The following DIAPH2 variants were observed in gnomAD, a reference collection of about 807,000 sequenced individuals.
DIAPH2 encodes diaphanous related formin 2, also known as protein diaphanous homolog 2.
DIAPH2 carries 35 observed loss-of-function variants against 92.7 expected under a neutral mutation model. That is an observed-to-expected ratio of 0.38 (90% CI 0.29 to 0.50). DIAPH2 has a LOEUF of 0.50. DIAPH2 is among the 20% of genes least tolerant of loss of function. The probability of loss-of-function intolerance (pLI) is 0.94; values close to 1 mark genes in which losing one functional copy is unlikely to be tolerated. For missense variants in DIAPH2, 701 were observed against 819.5 expected (o/e 0.86, Z 1.77); for synonymous variants, 301 against 280.4 (o/e 1.07, Z -0.73).
chrX:97,596,570 G>C (rs1431478781), intron 26 of DIAPH2, among the ~76,000 whole-genome samples: 2 of 111,741 alleles, frequency 1.8e-5, no homozygotes, highest in Non-Finnish European at 3.8e-5. Flanking sequence ...GGAGCTCTCA[G>C]ATCATATCAC....
intron 26 of DIAPH2, among the ~76,000 whole-genome samples, chrX:97,544,662 G>T (rs754167554): frequency 6.7e-4 from 75 of 111,762 alleles, no homozygotes; most frequent in Non-Finnish European, 1.1e-3. Flanking sequence ...TGTACCACAA[G>T]ATGTTACTTT....
At chrX:97,088,594 T>C (rs2066800566) in intron 19 of DIAPH2, among the ~76,000 whole-genome samples, 1 of 111,940 alleles carries the variant, frequency 8.9e-6, no homozygotes, top group Non-Finnish European at 1.9e-5. Context: ...TACAAGGCTA[T>C]ATTGAATGGG....
chrX:97,078,135 A>G (rs2066717541), intron 19 of DIAPH2, among the ~76,000 whole-genome samples: 1 of 111,963 alleles, frequency 8.9e-6, no homozygotes, highest in African/African-American at 3.2e-5. Context: ...AGCGGTTTGA[A>G]AAAAGTGATG....
intron 26 of DIAPH2, among the ~76,000 whole-genome samples, chrX:97,450,261 G>T (rs1231375723): frequency 4.5e-5 from 5 of 111,307 alleles, no homozygotes; most frequent in Non-Finnish European, 9.4e-5. Flanking sequence ...AATCCTAGAA[G>T]ATATTATAAA....
At chrX:97,170,966 T>A (rs1045451314) in intron 22 of DIAPH2, among the ~76,000 whole-genome samples, 2 of 110,558 alleles carry the variant, frequency 1.8e-5, no homozygotes, top group African/African-American at 6.6e-5. Flanking sequence ...AACCTCTGCC[T>A]CCCCGGTTCA....
intron 17 of DIAPH2, among the ~76,000 whole-genome samples, chrX:96,971,616 A>C (rs1296587641): frequency 1.8e-5 from 2 of 111,548 alleles, no homozygotes; most frequent in Non-Finnish European, 3.8e-5. Context: ...AAACCAAACA[A>C]AATTCATACA....
chrX:96,950,942 C>G (rs1019523332), intron 15 of DIAPH2, among the ~76,000 whole-genome samples: 1 of 111,341 alleles, frequency 9.0e-6, no homozygotes, highest in African/African-American at 3.3e-5. Flanking sequence ...CCAGCATTTC[C>G]CAGAGATTAG....
intron 26 of DIAPH2, among the ~76,000 whole-genome samples, chrX:97,446,399 GTC>G (rs2070310911): frequency 9.0e-6 from 1 of 111,425 alleles, no homozygotes; most frequent in African/African-American, 3.3e-5. Context: ...TTTTATTTTT[GTC>G]TCTCCAAATT....
chrX:97,549,536 C>T (rs1440365508), intron 26 of DIAPH2, among the ~76,000 whole-genome samples: 1 of 111,221 alleles, frequency 9.0e-6, no homozygotes, highest in African/African-American at 3.3e-5. Flanking sequence ...CCCCTTCACC[C>T]CTGAATACTT....
rs772857618 is a variant in DIAPH2 at position 96,908,888 on chromosome X, C to T, written c.588-3440C>T. Among the ~76,000 whole-genome samples the T allele has an allele frequency of 1.5e-3, 164 of 111,957 alleles. 1 individual carries two copies. Among genetic ancestry groups the T allele is most frequent in the African/African-American group, 5.1e-3 (158 of 30,905 alleles). On this transcript the variant is annotated intron_variant, in intron 5 of 26. Transcript: ENST00000324765. ...TGCTGGGATTACAGGCGTGAGCCAC[C>T]GCTCCCGGCCCTCAACTGGATTCCT...
At chrX:96,821,747 T>C (rs1397653752) in intron 4 of DIAPH2, among the ~76,000 whole-genome samples, 1 of 111,923 alleles carries the variant, frequency 8.9e-6, no homozygotes, top group Non-Finnish European at 1.9e-5. Context: ...TTTATTTGGT[T>C]CTATTATATA....
At chrX:96,705,072 C>T (rs2063877585) in intron 1 of DIAPH2, among the ~76,000 whole-genome samples, 1 of 105,606 alleles carries the variant, frequency 9.5e-6, no homozygotes, top group Non-Finnish European at 1.9e-5. Flanking sequence ...CTCCCAGGTA[C>T]AAGCAATTCT....
intron 17 of DIAPH2, among the ~76,000 whole-genome samples, chrX:97,048,657 C>T (rs146188774): frequency 6.3e-4 from 70 of 111,284 alleles, no homozygotes; most frequent in African/African-American, 2.2e-3. Context: ...TAAAATGATA[C>T]GTGGCCAATT....
At chrX:96,898,668 T>G (rs989896228) in intron 5 of DIAPH2, among the ~76,000 whole-genome samples, 1 of 107,736 alleles carries the variant, frequency 9.3e-6, no homozygotes, top group Non-Finnish European at 1.9e-5. Flanking sequence ...TTTCTCCCAT[T>G]TTGTAGGTTG....
intron 23 of DIAPH2, among the ~76,000 whole-genome samples, chrX:97,292,072 A>ATTT (rs34226875): frequency 7.1e-5 from 6 of 84,989 alleles, no homozygotes; most frequent in African/African-American, 1.2e-4. Flanking sequence ...TATAGAAGCA[A>ATTT]TTTTTTTTTT....
intron 4 of DIAPH2, among the ~76,000 whole-genome samples, chrX:96,832,767 G>T (rs993511616): frequency 9.0e-6 from 1 of 111,597 alleles, no homozygotes; most frequent in Non-Finnish European, 1.9e-5. Flanking sequence ...TTTCATAAAA[G>T]TTGCTGTTGG....
intron 17 of DIAPH2, among the ~76,000 whole-genome samples, chrX:96,993,505 A>G (rs952487512): frequency 2.1e-4 from 23 of 111,713 alleles, no homozygotes; most frequent in Non-Finnish European, 4.3e-4. Flanking sequence ...ATATCTTGAC[A>G]TGGCTGGCAG....
intron 26 of DIAPH2, among the ~76,000 whole-genome samples, chrX:97,473,184 A>G (rs1417719335): frequency 9.0e-6 from 1 of 111,584 alleles, no homozygotes. Flanking sequence ...TTGTTTTCCC[A>G]ACCATTATGA....
chrX:97,266,457 A>G (rs986038407), intron 23 of DIAPH2, among the ~76,000 whole-genome samples: 2 of 112,071 alleles, frequency 1.8e-5, no homozygotes, highest in African/African-American at 6.5e-5. Flanking sequence ...CAGTTAGTGC[A>G]GTGACTGTCA....
Sources: allele counts gnomAD v4.1 joint callset (sites outside exome capture counted in the v4.1 genomes callset), GRCh38; gene constraint gnomAD v4.1.1; transcripts MANE v1.5; gene names NCBI Gene and HGNC (gene_info 2026-07-23, HGNC 2026-07-21).